FGF12: variants seen among roughly 807,000 people sequenced by gnomAD.
FGF12 encodes the protein fibroblast growth factor 12B.
A neutral mutation model predicts 23.6 loss-of-function variants in FGF12; 14 were observed. The observed-to-expected ratio is 0.59, with a 90% CI of 0.39 to 0.93. The LOEUF (loss-of-function observed/expected upper bound fraction) is 0.93, where lower values mean the gene tolerates loss of function less well. FGF12 is among the 40% of genes least tolerant of loss of function. The pLI is 0.00. For synonymous variants in FGF12, 62 were observed against 77.3 expected, an observed-to-expected ratio of 0.80 and a Z score of 1.04; for missense variants, 175 against 217.8, an observed-to-expected ratio of 0.80 and a Z score of 1.24.
Position 192,584,073 on chromosome 3 carries a change from C to T in FGF12, c.13+143108G>A, listed in dbSNP as rs143790964. ...ATTCAATAAGGAGCCATTTAAGAGA[C>T]GTGGAACTGGCTTCATCCCACACCT... is the stretch of plus-strand genomic sequence containing the variant. On this transcript the variant is annotated intron_variant, in intron 2 of 5. Transcript: ENST00000445105. Among the ~76,000 whole-genome samples the T allele has an allele frequency of 1.3e-3, 203 of 152,280 alleles. 2 individuals carry two copies. The highest frequency in any genetic ancestry group is 4.5e-3 in the African/African-American group (186 of 41,556).
intron 2 of FGF12, among the ~76,000 whole-genome samples, chr3:192,445,186 G>C (rs943604633): frequency 3.3e-5 from 5 of 152,176 alleles, no homozygotes; most frequent in African/African-American, 1.2e-4. Flanking sequence ...TCACAGAGGA[G>C]TGTGATTTAT....
At chr3:192,177,862 C>T (rs987888458) in intron 4 of FGF12, among the ~76,000 whole-genome samples, 1 of 152,192 alleles carries the variant, frequency 6.6e-6, no homozygotes, top group Admixed American at 6.5e-5. Context: ...TAATTTAGCA[C>T]TACGGCCACT....
intron 2 of FGF12, among the ~76,000 whole-genome samples, chr3:192,575,041 A>G (rs1387656965): frequency 6.6e-6 from 1 of 152,256 alleles, no homozygotes; most frequent in Admixed American, 6.5e-5. Context: ...CATACAATGG[A>G]ATACAACTAA....
intron 4 of FGF12, among the ~76,000 whole-genome samples, chr3:192,192,383 T>A (rs1458894527): frequency 1.3e-5 from 2 of 149,548 alleles, no homozygotes; most frequent in Non-Finnish European, 1.5e-5. Context: ...ATACTTTTCA[T>A]AGAAGAAAAT....
At chr3:192,244,987 C>A (rs1248057800) in intron 4 of FGF12, 3 of 152,170 alleles carry the variant, frequency 2.0e-5, no homozygotes, top group African/African-American at 7.2e-5. Flanking sequence ...AGACTCATTG[C>A]AACTATGATA....
intron 2 of FGF12, among the ~76,000 whole-genome samples, chr3:192,618,408 G>A (rs1342737643): frequency 6.6e-6 from 1 of 152,044 alleles, no homozygotes; most frequent in Non-Finnish European, 1.5e-5. Context: ...GCCATTTGAT[G>A]TAAGGCAAGA....
chr3:192,612,688 G>A (rs1255419395), intron 2 of FGF12, among the ~76,000 whole-genome samples: 1 of 151,838 alleles, frequency 6.6e-6, no homozygotes, highest in Non-Finnish European at 1.5e-5. Flanking sequence ...AACATTATTA[G>A]GGCTATATAT....
intron 2 of FGF12, among the ~76,000 whole-genome samples, chr3:192,689,479 G>A (rs1605083): frequency 0.58 from 87,720 of 151,760 alleles, 25,919 homozygotes; most frequent in East Asian, 0.79. Flanking sequence ...GAAAACATTA[G>A]AAAATAACCA....
At chr3:192,705,600 A>G (rs929678693) in intron 2 of FGF12, among the ~76,000 whole-genome samples, 1 of 152,246 alleles carries the variant, frequency 6.6e-6, no homozygotes, top group African/African-American at 2.4e-5. Flanking sequence ...CAAAACAATT[A>G]CAATAATAGC....
At chr3:192,147,523 C>T (rs1380991) in intron 5 of FGF12, among the ~76,000 whole-genome samples, 91,316 of 152,046 alleles carry the variant, frequency 0.6, 28,792 homozygotes, top group Non-Finnish European at 0.71. Flanking sequence ...ATGTGCAAAA[C>T]GTAAACGAAA....
chr3:192,601,931 T>C (rs1714130860), intron 2 of FGF12, among the ~76,000 whole-genome samples: 1 of 152,174 alleles, frequency 6.6e-6, no homozygotes, highest in Admixed American at 6.6e-5. Context: ...TTTTTAAGTA[T>C]TTTTGTTTCA....
intron 2 of FGF12, among the ~76,000 whole-genome samples, chr3:192,502,901 C>T (rs544735367): frequency 2.6e-4 from 39 of 152,342 alleles, no homozygotes; most frequent in Non-Finnish European, 5.0e-4. Context: ...GCAGTGATAG[C>T]TAATATCTAG....
At chr3:192,461,278 C>T (rs1011102154) in intron 2 of FGF12, among the ~76,000 whole-genome samples, 1 of 152,134 alleles carries the variant, frequency 6.6e-6, no homozygotes, top group Admixed American at 6.5e-5. Context: ...TCAAAACATT[C>T]AGGCTTGAGA....
At chr3:192,606,541 A>AAAT (rs149094754) in intron 2 of FGF12, among the ~76,000 whole-genome samples, 2 of 152,114 alleles carry the variant, frequency 1.3e-5, no homozygotes, top group Non-Finnish European at 2.9e-5. Context: ...TTGAAATTTA[A>AAAT]AATAATAATA....
chr3:192,315,304 A>G (rs75691849), intron 4 of FGF12, among the ~76,000 whole-genome samples: 2,348 of 152,204 alleles, frequency 0.015, 64 homozygotes, highest in African/African-American at 0.055. Flanking sequence ...TCAGTGCTAT[A>G]TGTTCAAAGA....
At chr3:192,185,915 CA>C (rs1317355822) in intron 4 of FGF12, among the ~76,000 whole-genome samples, 1 of 150,868 alleles carries the variant, frequency 6.6e-6, no homozygotes, top group African/African-American at 2.4e-5. Flanking sequence ...AAAAAATAAC[CA>C]TTTAATTTTT....
chr3:192,691,835 A>G (rs1456389075), intron 2 of FGF12, among the ~76,000 whole-genome samples: 1 of 147,692 alleles, frequency 6.8e-6, no homozygotes, highest in African/African-American at 2.4e-5. Flanking sequence ...AAGTGGAAAC[A>G]TTACAATAAA....
At chr3:192,627,205 T>G (rs1436393153) in intron 2 of FGF12, among the ~76,000 whole-genome samples, 3 of 152,130 alleles carry the variant, frequency 2.0e-5, no homozygotes, top group Admixed American at 1.3e-4. Context: ...ATATCTATTT[T>G]GATATATAGT....
chr3:192,460,661 TAC>T (rs988078199), intron 2 of FGF12, among the ~76,000 whole-genome samples: 89 of 143,076 alleles, frequency 6.2e-4, no homozygotes, highest in African/African-American at 1.7e-3. Context: ...TATATACATA[TAC>T]ACACACACAC....
Sources: gnomAD v4.1 joint callset for allele counts (sites outside exome capture counted in the v4.1 genomes callset) on GRCh38, gnomAD v4.1.1 for gene constraint, MANE v1.5 for transcripts, NCBI Gene and HGNC (gene_info 2026-07-23, HGNC 2026-07-21) for gene names.